Variants in CALHM3 observed in about 807,000 individuals in gnomAD.
CALHM3 encodes calcium homeostasis modulator protein 3.
CALHM3 carries 9 observed loss-of-function variants against 13.6 expected under a neutral mutation model. That is an observed-to-expected ratio of 0.66 (90% CI 0.40 to 1.15). The LOEUF (loss-of-function observed/expected upper bound fraction) is 1.15, where lower values mean the gene tolerates loss of function less well. CALHM3 is among the 50% of genes most tolerant of loss of function. The pLI, the probability that CALHM3 is intolerant of heterozygous loss-of-function variation, is 0.01. For synonymous variants in CALHM3, 231 were observed against 213.2 expected (o/e 1.08, Z -0.73); for missense variants, 497 against 463.4 (o/e 1.07, Z -0.67).
Position 103,473,189 on chromosome 10 carries a change from G to A in CALHM3, c.*24C>T. ...GCGCGGCATTTCACCTGCGAACACT[G>A]CCGCTTCAAGCCTGGCCAGGACCCT... On this transcript the variant is annotated 3_prime_UTR_variant, in exon 3 of 3. Coordinates refer to ENST00000369783, the MANE Select transcript of CALHM3 (RefSeq NM_001129742.2). 3.8e-6 allele frequency: 5 copies of A among 1,330,990 alleles called. No individual in the cohort carries two copies. Among genetic ancestry groups the A allele is most frequent in the Non-Finnish European group, 4.8e-6 (5 of 1,036,644 alleles). 82.4% of individuals were successfully genotyped at this position (1,330,990 alleles called of 1,614,324 possible).
Position 103,473,142 on chromosome 10 carries a change from GA to G in CALHM3, c.*70del. 2.4e-6 allele frequency: 3 copies of G among 1,270,140 alleles called. No homozygotes were observed. The highest frequency in any genetic ancestry group is 3.0e-6 in the Non-Finnish European group (3 of 1,002,358). The allele number at this position is 1,270,140 out of a possible 1,614,324, so 78.7% of individuals were successfully genotyped here. A position where few individuals can be genotyped will look rare whatever the true frequency, so the allele number is the denominator to read the frequency against. The stretch of plus-strand genomic sequence containing the variant: ...CCTGCCGTGGGGTCCCCACGGCCTG[GA>G]AAGACTCCAGAACTTTGTCAGCGCG... On this transcript the variant is annotated 3_prime_UTR_variant, in exon 3 of 3. Transcript: ENST00000369783.
Position 103,473,374 on chromosome 10 carries a change from T to G in CALHM3, c.874A>C (p.Ile292Leu). The change falls in exon 3 of 3, where the codon ATC becomes CTC. Residue 292 changes from isoleucine (I) to leucine (L), a missense_variant. Transcript: ENST00000369783. Reference sequence around the variant, plus strand: ...CGGTCCACCTGCTCCCGGCTGGAGATTGCGCGCAGGTGGGCCTTCCCACTT... The same window carrying G: ...CGGTCCACCTGCTCCCGGCTGGAGAGTGCGCGCAGGTGGGCCTTCCCACTT... Reference protein sequence around the residue: ...SGSGKAHLRAISSREQVDRLL... With the variant: ...SGSGKAHLRALSSREQVDRLL... 6.7e-7 allele frequency: 1 copy of G among 1,497,688 alleles called. No homozygotes were observed. The highest frequency in any genetic ancestry group is 8.9e-7 in the Non-Finnish European group (1 of 1,118,086). 92.8% of individuals were successfully genotyped at this position (1,497,688 alleles called of 1,614,324 possible). A position where few individuals can be genotyped will look rare whatever the true frequency, so the allele number is the denominator to read the frequency against.
chr10:103,472,828 T>G lies in CALHM3; in HGVS notation c.*385A>C. 1.1e-4 allele frequency: 21 copies of G among 184,106 alleles called. No individual in the cohort carries two copies. The highest frequency in any genetic ancestry group is 1.8e-4 in the Non-Finnish European group (16 of 89,974). 11.4% of individuals were successfully genotyped at this position (184,106 alleles called of 1,614,324 possible). ...CTATCGAGGCAGCAGACTAAGGTCA[T>G]TATTATTATTTAGAATTGACATCTA... is the stretch of plus-strand genomic sequence containing the variant. On this transcript the variant is annotated 3_prime_UTR_variant, in exon 3 of 3. Transcript: ENST00000369783.
In CALHM3 at chr10:103,478,853, C is replaced by G; in HGVS notation, c.180G>C (p.Pro60=). ...LYGLGLLLTP[P]LALFLCGLLA... is the part of the protein sequence containing the mutation. The stretch of plus-strand genomic sequence containing the variant: ...GGAGGCCGCAGAGAAACAGGGCGAG[C>G]GGGGGCGTCAGCAGCAGGCCCAGGC... Residue 60 remains proline (P), a synonymous_variant, in exon 1 of 3, where the codon CCG becomes CCC. Coordinates refer to ENST00000369783, the MANE Select transcript of CALHM3 (RefSeq NM_001129742.2). 1 of 1,551,646 alleles carries G rather than the reference C, an allele frequency of 6.4e-7. No individual in the cohort carries two copies. Among genetic ancestry groups the G allele is most frequent in the Non-Finnish European group, 8.7e-7 (1 of 1,146,994 alleles).
At chr10:103,476,853 T>G (rs1420560157) in intron 1 of CALHM3, among the ~76,000 whole-genome samples, 1 of 152,182 alleles carries the variant, frequency 6.6e-6, no homozygotes, top group African/African-American at 2.4e-5. Flanking sequence ...CTGGAGGGCC[T>G]GAGGGCCTCC....
chr10:103,474,051 G>A (rs982731546), intron 2 of CALHM3, among the ~76,000 whole-genome samples: 6 of 152,176 alleles, frequency 3.9e-5, no homozygotes. Context: ...TGCTACTTGA[G>A]GAATTGTCCT....
chr10:103,475,343 G>C (rs1397958870), intron 2 of CALHM3, among the ~76,000 whole-genome samples: 1 of 152,180 alleles, frequency 6.6e-6, no homozygotes, highest in African/African-American at 2.4e-5. Context: ...TTTTATACAC[G>C]AGAGTAGAAA....
Position 103,476,314 on chromosome 10 carries a change from A to G in CALHM3, c.523T>C (p.Tyr175His), listed in dbSNP as rs1481949556. The G allele has an allele frequency of 1.3e-6, 2 of 1,551,372 alleles. No homozygotes were observed. Among genetic ancestry groups the G allele is most frequent in the African/African-American group, 2.7e-5 (2 of 73,054 alleles). ...DSPARKAVSR[Y>H]LRCLSQAIGW... ...GTTACCTGTGACAGGCACCGCAGGT[A>G]GCGAGACACTGCCTTCCGAGCAGGG... Residue 175 changes from tyrosine (Y) to histidine (H), a missense_variant, in exon 2 of 3, where the codon TAC becomes CAC. Tyr to His is a moderately conservative substitution (Grantham distance 83). Coordinates refer to ENST00000369783, the MANE Select transcript of CALHM3 (RefSeq NM_001129742.2).
In CALHM3 at chr10:103,478,903, G is replaced by C. The variant is rs945300350; in HGVS notation, c.130C>G (p.Leu44Val). 18 of 1,551,660 alleles carry C rather than the reference G, an allele frequency of 1.2e-5. No individual in the cohort carries two copies. Among genetic ancestry groups the C allele is most frequent in the Non-Finnish European group, 1.5e-5 (17 of 1,147,014 alleles). ...YSSFDFNCPCLVHYNALYGLG... is the reference protein window; with the variant it reads ...YSSFDFNCPCVVHYNALYGLG... Reference sequence around the variant, plus strand: ...CCGTAGAGTGCATTGTAGTGCACCAGGCAGGGACAGTTGAAGTCAAAGGAG... The same window carrying C: ...CCGTAGAGTGCATTGTAGTGCACCACGCAGGGACAGTTGAAGTCAAAGGAG... The change falls in exon 1 of 3, where the codon CTG becomes GTG. Residue 44 changes from leucine (L) to valine (V), a missense_variant. By Grantham distance (32) the Leu-to-Val change is conservative. Coordinates refer to ENST00000369783, the MANE Select transcript of CALHM3 (RefSeq NM_001129742.2).
chr10:103,476,303 G>A lies in CALHM3; in HGVS notation c.534C>T (p.Cys178=). ...GGATCACCCCAGTTACCTGTGACAG[G>A]CACCGCAGGTAGCGAGACACTGCCT... ...ARKAVSRYLR[C]LSQAIGWSVT... Residue 178 remains cysteine, a synonymous_variant, in exon 2 of 3, where the codon TGC becomes TGT. Coordinates refer to ENST00000369783, the MANE Select transcript of CALHM3 (RefSeq NM_001129742.2). 6.4e-7 allele frequency: 1 copy of A among 1,551,368 alleles called. No homozygotes were observed.
At chr10:103,478,638 C>G (rs1273450037) in intron 1 of CALHM3, 108 bp downstream of exon 1, 1 of 1,185,720 alleles carries the variant, frequency 8.4e-7, no homozygotes, top group East Asian at 2.6e-5. Flanking sequence ...GGAGAATCCC[C>G]TGATAATGAG....
chr10:103,476,941 C>T (rs2033396971), intron 1 of CALHM3, among the ~76,000 whole-genome samples: 1 of 152,216 alleles, frequency 6.6e-6, no homozygotes, highest in Admixed American at 6.5e-5. Context: ...GCTGGAAGCA[C>T]TGAAAAGTTA....
At position 103,473,077 on chromosome 10, in the gene CALHM3, T is replaced by G; in HGVS notation, c.*136A>C. On this transcript the variant is annotated 3_prime_UTR_variant, in exon 3 of 3. Transcript: ENST00000369783. Reference sequence around the variant, plus strand: ...GCCACACCCAGAAACTAGGCAGAGATTGGGCTACTTTAAAAAGGAGGCTAA... The same window carrying G: ...GCCACACCCAGAAACTAGGCAGAGAGTGGGCTACTTTAAAAAGGAGGCTAA... 2 of 946,274 alleles carry G rather than the reference T, an allele frequency of 2.1e-6. No homozygotes were observed. The highest frequency in any genetic ancestry group is 2.8e-6 in the Non-Finnish European group (2 of 720,834). The allele number at this position is 946,274 out of a possible 1,614,324, so 58.6% of individuals were successfully genotyped here. A position where few individuals can be genotyped will look rare whatever the true frequency, so the allele number is the denominator to read the frequency against.
chr10:103,479,205 C>T lies in CALHM3; in HGVS notation c.-173G>A. 1 of 724,008 alleles carries T rather than the reference C, an allele frequency of 1.4e-6. No homozygotes were observed. The highest frequency in any genetic ancestry group is 2.0e-5 in the South Asian group (1 of 50,224). The allele number at this position is 724,008 out of a possible 1,614,324, so 44.8% of individuals were successfully genotyped here. Reference sequence around the variant, plus strand: ...CAGTGCCCAGGCCCCAGCCCAGGCTCCCGGGATCCAGTAGGCACTTAAGGC... The same window carrying T: ...CAGTGCCCAGGCCCCAGCCCAGGCTTCCGGGATCCAGTAGGCACTTAAGGC... On this transcript the variant is annotated 5_prime_UTR_variant, in exon 1 of 3. Transcript: ENST00000369783.
intron 1 of CALHM3, among the ~76,000 whole-genome samples, chr10:103,476,763 C>A (rs1386926473): frequency 6.6e-6 from 1 of 152,206 alleles, no homozygotes; most frequent in Non-Finnish European, 1.5e-5. Flanking sequence ...ATTCCTCTTG[C>A]CCTAGGCCTT....
chr10:103,476,692 C>T (rs1298002722), intron 1 of CALHM3, 143 bp from the exon 2 acceptor site: 24 of 1,077,048 alleles, frequency 2.2e-5, no homozygotes, highest in Non-Finnish European at 1.3e-6. Flanking sequence ...GTGACAGAGA[C>T]AGGCAGAAAG....
chr10:103,473,697 C>G lies in CALHM3; in HGVS notation c.551G>C (p.Gly184Ala), dbSNP rs1456033869. The change falls in exon 3 of 3, where the codon GGC becomes GCC. Residue 184 changes from glycine (G) to alanine (A), a missense_variant. By Grantham distance (60) the Gly-to-Ala change is moderately conservative. Coordinates refer to ENST00000369783, the MANE Select transcript of CALHM3 (RefSeq NM_001129742.2). The part of the protein sequence containing the change: ...RYLRCLSQAI[G>A]WSVTLLLIIA... The stretch of plus-strand genomic sequence containing the variant: ...GATCAGCAGCAGGGTGACGCTCCAG[C>G]CGATGGCCTGCAAAGTAAGGAGGCC... The G allele has an allele frequency of 1.3e-6, 2 of 1,546,080 alleles. No homozygotes were observed. The highest frequency in any genetic ancestry group is 2.7e-5 in the African/African-American group (2 of 73,122).
rs113026685 is a variant in CALHM3, at chr10:103,478,780, C to A, written c.253G>T (p.Ala85Ser). Residue 85 changes from alanine to serine, a missense_variant, in exon 1 of 3, where the codon GCA becomes TCA. Physicochemically the swap from Ala to Ser is moderately conservative, Grantham distance 99. Transcript: ENST00000369783. ...VVMVEEWRRP[A>S]GHRRKDPGII... ...CCTGGGTCCTTCCTCCGGTGCCCTG[C>A]GGGCCGGCGCCACTCCTCGACCATC... 110 of 1,546,110 alleles carry A rather than the reference C, an allele frequency of 7.1e-5. 3 individuals carry two copies. The South Asian group carries it at 9.2e-4, about 13-fold the overall frequency.
In CALHM3 at chr10:103,476,464, C is replaced by T. The variant is rs532777174; in HGVS notation, c.373G>A (p.Val125Met). ...LLALLDGKCF[V>M]CAFSSSVDPE... ...TCCACAGAGCTGCTGAAGGCACACA[C>T]GAAGCACTTCCCGTCAAGGAGGGCC... The change falls in exon 2 of 3, where the codon GTG (valine) becomes ATG (methionine). Residue 125 changes from valine to methionine, a missense_variant. Physicochemically the swap from Val to Met is conservative, Grantham distance 21. Transcript: ENST00000369783. 42 of 1,551,684 alleles carry T rather than the reference C, an allele frequency of 2.7e-5. No homozygotes were observed. The highest frequency in any genetic ancestry group is 8.3e-5 in the South Asian group (7 of 84,066).
Sources: gnomAD v4.1 joint callset for allele counts (sites outside exome capture counted in the v4.1 genomes callset) on GRCh38, gnomAD v4.1.1 for gene constraint, MANE v1.5 for transcripts, NCBI Gene and HGNC (gene_info 2026-07-23, HGNC 2026-07-21) for gene names.